Variants in RAP1GAP2 observed in about 807,000 individuals in gnomAD.
RAP1GAP2 encodes RAP1 GTPase activating protein 2.
Under a neutral mutation model 95.0 loss-of-function variants are expected in RAP1GAP2, and 27 were observed. The observed-to-expected ratio is 0.28, with a 90% CI of 0.21 to 0.39. The LOEUF is 0.39. RAP1GAP2 is among the 10% of genes least tolerant of loss of function. The pLI is 1.00. For synonymous variants in RAP1GAP2, 373 were observed against 380.9 expected (o/e 0.98, Z 0.24); for missense variants, 771 against 970.0 (o/e 0.79, Z 2.72).
intron 2 of RAP1GAP2, among the ~76,000 whole-genome samples, chr17:2,894,465 C>T (rs2073821028): frequency 1.3e-5 from 2 of 152,106 alleles, no homozygotes; most frequent in African/African-American, 4.8e-5. Context: ...ACCCCAAAGC[C>T]CTACATGCTG....
intron 8 of RAP1GAP2, among the ~76,000 whole-genome samples, chr17:2,972,478 CCT>C (rs1216778913): frequency 2.6e-5 from 4 of 151,874 alleles, no homozygotes; most frequent in Non-Finnish European, 4.4e-5. Flanking sequence ...ATGGTGAAAC[CCT>C]GTCTCTACTA....
chr17:2,878,363 C>G (rs922856671), intron 2 of RAP1GAP2, among the ~76,000 whole-genome samples: 1 of 152,064 alleles, frequency 6.6e-6, no homozygotes, highest in Non-Finnish European at 1.5e-5. Context: ...CCCAGGCTGG[C>G]GGTGGAAAAT....
At chr17:2,765,927 C>T (rs989181766) in intron 1 of RAP1GAP2, among the ~76,000 whole-genome samples, 1 of 152,032 alleles carries the variant, frequency 6.6e-6, no homozygotes, top group African/African-American at 2.4e-5. Context: ...CAAGATTGCA[C>T]CACTGCACTC....
chr17:3,025,103 G>A (rs958985004), intron 19 of RAP1GAP2, among the ~76,000 whole-genome samples: 2 of 152,216 alleles, frequency 1.3e-5, no homozygotes, highest in African/African-American at 4.8e-5. Context: ...ACGGCCAGGT[G>A]CGGTGGCTCA....
chr17:2,868,915 C>T (rs541234009), intron 2 of RAP1GAP2, among the ~76,000 whole-genome samples: 1 of 152,250 alleles, frequency 6.6e-6, no homozygotes, highest in African/African-American at 2.4e-5. Context: ...ATTTACTTCT[C>T]CCACTTCTGG....
In RAP1GAP2 at chr17:2,906,465, G is replaced by A. The variant is rs1208023043; in HGVS notation, c.165+1097G>A. Among the ~76,000 whole-genome samples the A allele has an allele frequency of 6.6e-6, 1 of 152,040 alleles. No homozygotes were observed. Among genetic ancestry groups the A allele is most frequent in the African/African-American group, 2.4e-5 (1 of 41,394 alleles). On this transcript the variant is annotated intron_variant, in intron 3 of 24. Transcript: ENST00000254695. The surrounding 1 kb of genome is among the most constrained non-coding windows in gnomAD (Gnocchi z 4.3). ...CCCTGGGTGGGTTAAGTGGTCAGCG[G>A]TGGGCGGGGGGGCAGGACAGGGTGC...
chr17:2,829,557 G>A (rs1283208938), intron 2 of RAP1GAP2, among the ~76,000 whole-genome samples: 1 of 152,174 alleles, frequency 6.6e-6, no homozygotes, highest in African/African-American at 2.4e-5. Flanking sequence ...AGAACTGGAT[G>A]GCAAAGCAGA....
At chr17:2,811,600 C>T (rs534208324) in intron 2 of RAP1GAP2, among the ~76,000 whole-genome samples, 44 of 152,208 alleles carry the variant, frequency 2.9e-4, no homozygotes, top group African/African-American at 8.7e-4. Context: ...TTTTTTGAGA[C>T]GGAGTCTCGC....
chr17:2,899,716 A>G (rs2034180607), intron 2 of RAP1GAP2, among the ~76,000 whole-genome samples: 1 of 151,584 alleles, frequency 6.6e-6, no homozygotes, highest in Admixed American at 6.6e-5. Context: ...TCGCCATGTT[A>G]GCCAGGTTGT....
chr17:2,759,240 A>G lies in RAP1GAP2; in HGVS notation c.50+3473A>G, dbSNP rs138850807. On this transcript the variant is annotated intron_variant, in intron 1 of 25. Coordinates refer to the RAP1GAP2 transcript ENST00000637138. ...TGTGGCAAAGAACATTCTTGAATCT[A>G]TATCTGTGCATACTTGTGCAAAGAT... Among the ~76,000 whole-genome samples, 85 of 152,240 alleles carry G rather than the reference A, an allele frequency of 5.6e-4. 1 individual carries two copies. The highest frequency in any genetic ancestry group is 1.9e-3 in the African/African-American group (78 of 41,548).
At chr17:2,791,302 C>G (rs187624543) in intron 1 of RAP1GAP2, among the ~76,000 whole-genome samples, 239 of 152,254 alleles carry the variant, frequency 1.6e-3, no homozygotes, top group African/African-American at 5.3e-3. Flanking sequence ...AGGCTGGTCC[C>G]CGAGAAACAC....
At chr17:3,032,007 TCGAGAGC>T (rs2047328044) in intron 23 of RAP1GAP2, among the ~76,000 whole-genome samples, 1 of 150,442 alleles carries the variant, frequency 6.6e-6, no homozygotes, top group Non-Finnish European at 1.5e-5. Context: ...CTCCAGACTA[TCGAGAGC>T]TCCAGGCCCA....
chr17:2,833,815 A>G (rs2071015687), intron 2 of RAP1GAP2, among the ~76,000 whole-genome samples: 1 of 152,004 alleles, frequency 6.6e-6, no homozygotes, highest in African/African-American at 2.4e-5. Flanking sequence ...GTGATAGGGT[A>G]GGTGACTTTC....
At chr17:2,850,312 T>A (rs1015593907) in intron 2 of RAP1GAP2, among the ~76,000 whole-genome samples, 1 of 151,872 alleles carries the variant, frequency 6.6e-6, no homozygotes, top group African/African-American at 2.4e-5. Context: ...CCTGCTTTTT[T>A]AAGGAAGGTA....
intron 1 of RAP1GAP2, among the ~76,000 whole-genome samples, chr17:2,762,220 CT>C (rs779153787): frequency 2.6e-4 from 40 of 151,584 alleles, no homozygotes; most frequent in Non-Finnish European, 5.7e-4. Flanking sequence ...ATCTCCTGAC[CT>C]CGTGATCCAC....
At chr17:2,764,643 C>T (rs1402388746) in intron 1 of RAP1GAP2, among the ~76,000 whole-genome samples, 1 of 152,138 alleles carries the variant, frequency 6.6e-6, no homozygotes, top group Non-Finnish European at 1.5e-5. Flanking sequence ...ATTGCTTGAA[C>T]CTGGGAGGTG....
intron 17 of RAP1GAP2, among the ~76,000 whole-genome samples, chr17:3,010,302 T>C (rs2046479492): frequency 1.6e-5 from 2 of 126,498 alleles, no homozygotes; most frequent in African/African-American, 3.1e-5. Context: ...ATCACGCCAC[T>C]GCACTCCAGC....
Position 2,797,148 on chromosome 17 carries a change from C to T in RAP1GAP2, c.44+577C>T, listed in dbSNP as rs1352840284. 6.6e-6 allele frequency among the ~76,000 whole-genome samples: 1 copy of T among 152,092 alleles called. No individual in the cohort carries two copies. Among genetic ancestry groups the T allele is most frequent in the African/African-American group, 2.4e-5 (1 of 41,396 alleles). On this transcript the variant is annotated intron_variant, in intron 1 of 24. Transcript: ENST00000254695. This position sits in a 1 kb window ranked among gnomAD's most constrained non-coding sequence, Gnocchi z 5.6. ...AGTCTGTACCTGCTGGACCTCTGGG[C>T]TGCCTGCTGTCTTGGGGGTGGGTTG...
rs1443454788 is a variant in RAP1GAP2 at position 2,873,107 on chromosome 17, A to G, written c.81-32177A>G. Among the ~76,000 whole-genome samples, 5 of 150,616 alleles carry G rather than the reference A, an allele frequency of 3.3e-5. No individual in the cohort carries two copies. In the East Asian group the frequency reaches 9.9e-4, roughly 30 times the overall value. On this transcript the variant is annotated intron_variant, in intron 2 of 24. Coordinates refer to ENST00000254695, the MANE Select transcript of RAP1GAP2 (RefSeq NM_015085.5). ...GACAGACTGAGACTTTGTCTGAAAA[A>G]AAAAAAAACGGAAAATAGTACTTCA...
Sources: gnomAD v4.1 joint callset for allele counts (sites outside exome capture counted in the v4.1 genomes callset) on GRCh38, gnomAD v4.1.1 for gene constraint, Gnocchi (gnomAD v3.1) non-coding constraint, MANE v1.5 for transcripts, NCBI Gene and HGNC (gene_info 2026-07-23, HGNC 2026-07-21) for gene names.